Variants in FAF1 observed in about 807,000 individuals in gnomAD.
The protein encoded by FAF1 is FAS-associated factor 1.
FAF1 carries 25 observed loss-of-function variants against 92.5 expected under a neutral mutation model. The observed-to-expected ratio is 0.27, with a 90% CI of 0.20 to 0.38. FAF1 has a LOEUF of 0.38. Ranked by LOEUF, FAF1 falls within the 10% of genes least tolerant of loss-of-function variation. The pLI, the probability that FAF1 is intolerant of heterozygous loss-of-function variation, is 1.00. For missense variants in FAF1, 636 were observed against 793.3 expected (o/e 0.80, Z 2.38); for synonymous variants, 234 against 273.2 (o/e 0.86, Z 1.42).
intron 1 of FAF1, among the ~76,000 whole-genome samples, chr1:50,910,791 T>G (rs1248008506): frequency 6.6e-6 from 1 of 151,986 alleles, no homozygotes; most frequent in Non-Finnish European, 1.5e-5. Context: ...ACAGCTTCCC[T>G]TGGCTAGGAA....
intron 8 of FAF1, among the ~76,000 whole-genome samples, chr1:50,623,545 A>G (rs1046518158): frequency 7.3e-5 from 11 of 151,680 alleles, no homozygotes; most frequent in Non-Finnish European, 1.3e-4. Flanking sequence ...CTTGCACTCC[A>G]GCCTAGGCAA....
At chr1:50,662,976 C>T (rs1389484175) in intron 7 of FAF1, among the ~76,000 whole-genome samples, 2 of 151,576 alleles carry the variant, frequency 1.3e-5, no homozygotes. Context: ...GGATTACAGG[C>T]GTAAGCCACC....
intron 8 of FAF1, among the ~76,000 whole-genome samples, chr1:50,614,077 T>C (rs1174921826): frequency 1.3e-5 from 2 of 151,182 alleles, no homozygotes; most frequent in Admixed American, 6.6e-5. Flanking sequence ...AGCCTGGCAA[T>C]AGAGTGAGAC....
At chr1:50,634,644 G>A (rs1653931809) in intron 8 of FAF1, among the ~76,000 whole-genome samples, 1 of 152,122 alleles carries the variant, frequency 6.6e-6, no homozygotes, top group South Asian at 2.1e-4. Context: ...AAAGAGCAGG[G>A]GTGTCTCTGG....
intron 4 of FAF1, among the ~76,000 whole-genome samples, chr1:50,760,498 C>T (rs149888453): frequency 0.015 from 2,320 of 152,132 alleles, 60 homozygotes; most frequent in African/African-American, 0.052. Context: ...TCTCAGACCA[C>T]GGTGCAATCA....
chr1:50,910,847 C>T (rs1028032610), intron 1 of FAF1, among the ~76,000 whole-genome samples: 7 of 152,058 alleles, frequency 4.6e-5, no homozygotes, highest in African/African-American at 7.2e-5. Flanking sequence ...GGCAATGCCC[C>T]GCCCTGCTTC....
At chr1:50,882,600 TTAAATAAATAAATAAATAAA>T (rs60244087) in intron 1 of FAF1, among the ~76,000 whole-genome samples, 6 of 140,544 alleles carry the variant, frequency 4.3e-5, no homozygotes, top group Admixed American at 1.4e-4. Flanking sequence ...AGACTCTGTC[TTAAATAAATAAATAAATAAA>T]TAAATAAATA....
At chr1:50,792,856 T>G (rs1661612982) in intron 3 of FAF1, among the ~76,000 whole-genome samples, 1 of 152,078 alleles carries the variant, frequency 6.6e-6, no homozygotes, top group Non-Finnish European at 1.5e-5. Context: ...TGGCAAAATT[T>G]GACAGAGAAA....
chr1:50,784,376 T>A (rs1019357635), intron 4 of FAF1, among the ~76,000 whole-genome samples: 1 of 151,880 alleles, frequency 6.6e-6, no homozygotes, highest in Non-Finnish European at 1.5e-5. Context: ...CACATAAAAA[T>A]CAGCTGCATT....
chr1:50,780,339 T>C (rs1283047041), intron 4 of FAF1: 2 of 153,438 alleles, frequency 1.3e-5, no homozygotes, highest in African/African-American at 4.8e-5. Context: ...CAGAAGGAAA[T>C]ATAGCTGCCA....
chr1:50,736,371 C>G (rs1391951608), intron 6 of FAF1, among the ~76,000 whole-genome samples: 1 of 152,186 alleles, frequency 6.6e-6, no homozygotes, highest in Non-Finnish European at 1.5e-5. Context: ...TAGTACAAAG[C>G]AAGTTTATCT....
intron 4 of FAF1, among the ~76,000 whole-genome samples, chr1:50,781,944 T>C (rs921038820): frequency 6.6e-6 from 1 of 152,214 alleles, no homozygotes; most frequent in Non-Finnish European, 1.5e-5. Context: ...CTGAGCTGAA[T>C]AACTCCTATC....
In FAF1 at chr1:50,729,051, TA is replaced by T. The variant is rs1185658727; in HGVS notation, c.551+9811del. Among the ~76,000 whole-genome samples the T allele has an allele frequency of 9.3e-4, 91 of 97,864 alleles. 1 individual carries two copies. Among genetic ancestry groups the T allele is most frequent in the African/African-American group, 3.4e-3 (81 of 23,638 alleles). 64.2% of individuals were successfully genotyped at this position (97,864 alleles called of 152,430 possible). ...CTATCTATCTATATATATATATATA[TA>T]TATATATTTTTTTTTTTTTTGAGGC... On this transcript the variant is annotated intron_variant, in intron 6 of 18. Transcript: ENST00000396153.
chr1:50,504,106 A>T (rs1647025292), intron 15 of FAF1, among the ~76,000 whole-genome samples: 1 of 152,234 alleles, frequency 6.6e-6, no homozygotes, highest in Non-Finnish European at 1.5e-5. Flanking sequence ...TAGATGGATG[A>T]CACAGTAGCT....
At chr1:50,591,848 C>CT (rs1047676538) in intron 9 of FAF1, among the ~76,000 whole-genome samples, 4 of 152,096 alleles carry the variant, frequency 2.6e-5, no homozygotes, top group Admixed American at 2.0e-4. Context: ...TCAAATCATG[C>CT]TTTTTTTCTC....
At chr1:50,540,119 C>T (rs746044995) in intron 13 of FAF1, among the ~76,000 whole-genome samples, 4 of 151,874 alleles carry the variant, frequency 2.6e-5, no homozygotes, top group Admixed American at 6.6e-5. Context: ...TACAAGCTCC[C>T]GCCACCACAC....
At chr1:50,701,365 C>T (rs1234254853) in intron 7 of FAF1, among the ~76,000 whole-genome samples, 1 of 151,242 alleles carries the variant, frequency 6.6e-6, no homozygotes, top group Non-Finnish European at 1.5e-5. Flanking sequence ...GCCAGCAACC[C>T]CAACCCTCCC....
intron 13 of FAF1, among the ~76,000 whole-genome samples, chr1:50,542,355 C>T (rs1414278105): frequency 6.6e-6 from 1 of 152,154 alleles, no homozygotes; most frequent in East Asian, 1.9e-4. Flanking sequence ...TCAAATCTTT[C>T]TCATGGCTAG....
intron 2 of FAF1, among the ~76,000 whole-genome samples, chr1:50,849,113 A>C (rs1017440963): frequency 1.3e-5 from 2 of 151,952 alleles, no homozygotes; most frequent in South Asian, 2.1e-4. Flanking sequence ...ACACACAAAA[A>C]AAAATTATCC....
Sources: gnomAD v4.1 joint callset for allele counts (sites outside exome capture counted in the v4.1 genomes callset) on GRCh38, gnomAD v4.1.1 for gene constraint, MANE v1.5 for transcripts, NCBI Gene and HGNC (gene_info 2026-07-23, HGNC 2026-07-21) for gene names.